The following STOX2 variants were observed in gnomAD, a reference collection of about 807,000 sequenced individuals.
The protein encoded by STOX2 is storkhead box 2.
In STOX2, 28 loss-of-function variants were observed where a neutral mutation model predicts 60.9. That is an observed-to-expected ratio of 0.46 (90% CI 0.34 to 0.63). The LOEUF is 0.63. Ranked by LOEUF, STOX2 falls within the 30% of genes least tolerant of loss-of-function variation. The pLI is 0.01. For synonymous variants in STOX2, 472 were observed against 463.9 expected, an observed-to-expected ratio of 1.02 and a Z score of -0.22; for missense variants, 1,024 against 1,187.7, an observed-to-expected ratio of 0.86 and a Z score of 2.03.
chr4:184,002,381 A>T (rs893966872), intron 2 of STOX2, among the ~76,000 whole-genome samples: 3 of 152,250 alleles, frequency 2.0e-5, no homozygotes, highest in African/African-American at 7.2e-5. Flanking sequence ...CTTAGAAGAG[A>T]TCTGAGTAAA....
chr4:183,850,415 TTA>T (rs1298130670), intron 1 of STOX2, among the ~76,000 whole-genome samples: 28 of 152,282 alleles, frequency 1.8e-4, no homozygotes, highest in Non-Finnish European at 4.4e-5. Flanking sequence ...TAATTGATAC[TTA>T]TGAGATTTCT....
intron 1 of STOX2, among the ~76,000 whole-genome samples, chr4:183,885,030 C>G (rs115804741): frequency 0.01 from 1,546 of 152,300 alleles, 24 homozygotes; most frequent in African/African-American, 0.035. Context: ...TGAGCTGAAA[C>G]TAGTTTAAGG....
At chr4:184,004,492 C>A (rs544522538) in intron 2 of STOX2, among the ~76,000 whole-genome samples, 48 of 152,146 alleles carry the variant, frequency 3.2e-4, no homozygotes, top group Admixed American at 1.0e-3. Flanking sequence ...CCCAGCTACT[C>A]GGGAGGCTGA....
chr4:183,905,098 A>C (rs1192089675), upstream of STOX2, among the ~76,000 whole-genome samples: 1 of 152,208 alleles, frequency 6.6e-6, no homozygotes, highest in African/African-American at 2.4e-5. Context: ...TGAAAACCCA[A>C]ATCGAGGAGA....
rs1023112528 is a variant in STOX2 at position 183,989,315 on chromosome 4, G to A, written c.167-12010G>A. 3.3e-5 allele frequency among the ~76,000 whole-genome samples: 5 copies of A among 151,750 alleles called. No individual in the cohort carries two copies. The Admixed American group carries it at 3.3e-4, about 10-fold the overall frequency. On this transcript the variant is annotated intron_variant, in intron 1 of 3. Transcript: ENST00000308497. ...CTTCCCGGGTTCAAGCGATTCTTCT[G>A]CCTCAGCCTCTTGAGTAGCTGGGAT...
At position 184,017,769 on chromosome 4, in the gene STOX2, A is replaced by G. The variant is rs1375442151; in HGVS notation, c.*485A>G. 2 of 152,282 alleles carry G rather than the reference A, an allele frequency of 1.3e-5. No individual in the cohort carries two copies. The highest frequency in any genetic ancestry group is 2.9e-5 in the Non-Finnish European group (2 of 68,092). 9.4% of individuals were successfully genotyped at this position (152,282 alleles called of 1,614,324 possible). ...AAAACTAAGCTACCACGAAATGTCA[A>G]ATGCAAGGGTCCACCTTGAGGGAAA... On this transcript the variant is annotated 3_prime_UTR_variant, in exon 4 of 4. Transcript: ENST00000308497.
intron 1 of STOX2, among the ~76,000 whole-genome samples, chr4:183,818,928 G>A (rs1250831838): frequency 1.3e-5 from 2 of 151,998 alleles, no homozygotes; most frequent in Non-Finnish European, 2.9e-5. Flanking sequence ...GGGAAGAGGC[G>A]GTCCTCACTT....
chr4:183,968,695 A>T (rs181084704), intron 1 of STOX2, among the ~76,000 whole-genome samples: 1 of 149,544 alleles, frequency 6.7e-6, no homozygotes, highest in African/African-American at 2.4e-5. Flanking sequence ...AAGTTATCAA[A>T]AGGATCTTTG....
At chr4:183,910,928 A>G (rs1741758992) in intron 1 of STOX2, among the ~76,000 whole-genome samples, 2 of 152,046 alleles carry the variant, frequency 1.3e-5, no homozygotes, top group South Asian at 2.1e-4. Flanking sequence ...CCAGTTCCTT[A>G]TGTTCTGTTA....
At chr4:184,002,585 C>T (rs368897509) in intron 2 of STOX2, among the ~76,000 whole-genome samples, 3 of 152,178 alleles carry the variant, frequency 2.0e-5, no homozygotes, top group Non-Finnish European at 4.4e-5. Context: ...ATTTAGAAAA[C>T]GGGGCAAATG....
chr4:183,981,469 G>A (rs1732656300), intron 1 of STOX2, among the ~76,000 whole-genome samples: 1 of 151,656 alleles, frequency 6.6e-6, no homozygotes, highest in African/African-American at 2.4e-5. Flanking sequence ...CCAGTCGGTT[G>A]GAAATAAATA....
chr4:183,974,335 C>A (rs1732368217), intron 1 of STOX2, among the ~76,000 whole-genome samples: 1 of 151,632 alleles, frequency 6.6e-6, no homozygotes, highest in East Asian at 1.9e-4. Flanking sequence ...AGGGAAGAAA[C>A]CTAAAATAAA....
At chr4:183,909,735 A>G (rs1480170709) in intron 1 of STOX2, among the ~76,000 whole-genome samples, 3 of 148,134 alleles carry the variant, frequency 2.0e-5, no homozygotes, top group African/African-American at 7.5e-5. Flanking sequence ...AGGTGCTTCA[A>G]GCAAAATTGT....
chr4:183,976,768 C>T (rs1169750391), intron 1 of STOX2, among the ~76,000 whole-genome samples: 1 of 152,128 alleles, frequency 6.6e-6, no homozygotes, highest in African/African-American at 2.4e-5. Context: ...AGACCTAATA[C>T]CCTCCCTTTA....
At chr4:183,858,318 C>G (rs552664599) in intron 1 of STOX2, among the ~76,000 whole-genome samples, 15 of 152,366 alleles carry the variant, frequency 9.8e-5, no homozygotes, top group East Asian at 9.6e-4. Flanking sequence ...CCGCCCTGTG[C>G]GGGCTGCAAG....
chr4:183,817,503 G>A (rs1401740762), intron 1 of STOX2, among the ~76,000 whole-genome samples: 1 of 152,224 alleles, frequency 6.6e-6, no homozygotes, highest in African/African-American at 2.4e-5. Context: ...CTCAGGTGGA[G>A]CATTGTGTAT....
At chr4:183,956,786 C>G (rs1229328647) in intron 1 of STOX2, among the ~76,000 whole-genome samples, 2 of 152,002 alleles carry the variant, frequency 1.3e-5, no homozygotes, top group Non-Finnish European at 2.9e-5. Context: ...ACTTGCATTT[C>G]TTCAGCTTCT....
At chr4:183,933,529 C>T (rs147981553) in intron 1 of STOX2, among the ~76,000 whole-genome samples, 132 of 152,242 alleles carry the variant, frequency 8.7e-4, no homozygotes, top group Middle Eastern at 3.4e-3. Flanking sequence ...GCTGGGATTA[C>T]AGGCGCCCGC....
intron 1 of STOX2, among the ~76,000 whole-genome samples, chr4:183,943,972 G>A (rs1742820835): frequency 6.6e-6 from 1 of 152,220 alleles, no homozygotes; most frequent in Admixed American, 6.5e-5. Context: ...GCTAGGTGCT[G>A]TGGATTCAAA....
Sources: gnomAD v4.1 joint callset for allele counts (sites outside exome capture counted in the v4.1 genomes callset) on GRCh38, gnomAD v4.1.1 for gene constraint, MANE v1.5 for transcripts, NCBI Gene and HGNC (gene_info 2026-07-23, HGNC 2026-07-21) for gene names.